The following ACADSB variants were observed in gnomAD, a reference collection of about 807,000 sequenced individuals.
ACADSB encodes the protein acyl-CoA dehydrogenase short/branched chain.
In ACADSB, 40 loss-of-function variants were observed where a neutral mutation model predicts 54.1. The observed-to-expected ratio is 0.74, with a 90% confidence interval of 0.57 to 0.96. ACADSB has a LOEUF of 0.96. ACADSB is among the 40% of genes least tolerant of loss of function. The probability of loss-of-function intolerance (pLI) is 0.00; values close to 1 mark genes in which losing one functional copy is unlikely to be tolerated. For missense variants in ACADSB, 530 were observed against 510.4 expected (o/e 1.04, Z -0.37); for synonymous variants, 182 against 182.8 (o/e 1.00, Z 0.03).
At chr10:123,040,700 T>C (rs1850461397) in intron 4 of ACADSB, 28 bp downstream of exon 4, 1 of 1,581,606 alleles carries the variant, frequency 6.3e-7, no homozygotes, top group African/African-American at 1.3e-5. Flanking sequence ...GTTGATCTAA[T>C]GGATCTAATC....
intron 8 of ACADSB, among the ~76,000 whole-genome samples, chr10:123,048,564 G>C (rs1850590130): frequency 6.6e-6 from 1 of 151,966 alleles, no homozygotes; most frequent in African/African-American, 2.4e-5. Flanking sequence ...TCTTCTTTAT[G>C]CACAGGAAAC....
chr10:123,048,963 G>A (rs373046821), intron 8 of ACADSB, among the ~76,000 whole-genome samples: 9 of 152,106 alleles, frequency 5.9e-5, no homozygotes, highest in East Asian at 3.9e-4. Flanking sequence ...TGATCTGCCC[G>A]CTTCGGCCTC....
At chr10:123,048,362 A>G (rs1419729414) in intron 8 of ACADSB, among the ~76,000 whole-genome samples, 1 of 152,190 alleles carries the variant, frequency 6.6e-6, no homozygotes, top group Non-Finnish European at 1.5e-5. Flanking sequence ...TCTTATGCCT[A>G]GGAACCTGAA....
intron 8 of ACADSB, among the ~76,000 whole-genome samples, chr10:123,050,564 G>C (rs966053154): frequency 2.6e-5 from 4 of 152,158 alleles, no homozygotes; most frequent in Non-Finnish European, 5.9e-5. Flanking sequence ...TAAAATTTCA[G>C]GGTGGTAGTA....
chr10:123,014,449 C>T (rs984642548), intron 1 of ACADSB, among the ~76,000 whole-genome samples: 5 of 152,230 alleles, frequency 3.3e-5, no homozygotes, highest in African/African-American at 9.6e-5. Context: ...ATCCTCCCGC[C>T]TTGGCCTCCC....
intron 9 of ACADSB, among the ~76,000 whole-genome samples, chr10:123,051,400 G>A (rs536501578): frequency 7.2e-5 from 11 of 152,064 alleles, no homozygotes; most frequent in South Asian, 4.2e-4. Context: ...TCAATGTTTC[G>A]TTGAGTAGCC....
chr10:123,029,374 A>C (rs1226441318), intron 1 of ACADSB, among the ~76,000 whole-genome samples: 1 of 151,872 alleles, frequency 6.6e-6, no homozygotes, highest in Non-Finnish European at 1.5e-5. Flanking sequence ...AAAAAAAAAG[A>C]AAGAAAACAA....
At chr10:123,041,429 C>A (rs1850472083) in intron 5 of ACADSB, 50 bp downstream of exon 5, 3 of 1,571,334 alleles carry the variant, frequency 1.9e-6, no homozygotes, top group Admixed American at 3.3e-5. Context: ...CTTCTTTTCT[C>A]TTTCTTTATC....
intron 2 of ACADSB, among the ~76,000 whole-genome samples, chr10:123,034,729 A>G (rs918454332): frequency 6.6e-6 from 1 of 152,202 alleles, no homozygotes; most frequent in Non-Finnish European, 1.5e-5. Context: ...AGATATGTTC[A>G]TCTAAATTTG....
At chr10:123,036,289 G>A (rs574795780) in intron 2 of ACADSB, among the ~76,000 whole-genome samples, 1 of 152,292 alleles carries the variant, frequency 6.6e-6, no homozygotes, top group Middle Eastern at 3.4e-3. Context: ...GTTTCACCAT[G>A]TTAGCCAGGC....
At chr10:123,040,144 G>A (rs1296836249) in intron 3 of ACADSB, among the ~76,000 whole-genome samples, 3 of 150,518 alleles carry the variant, frequency 2.0e-5, no homozygotes, top group Admixed American at 6.6e-5. Flanking sequence ...TCAGGGGTTC[G>A]AGACCAGACT....
At chr10:123,043,192 A>G in intron 6 of ACADSB, 21 bp downstream of exon 6, 1 of 1,612,936 alleles carries the variant, frequency 6.2e-7, no homozygotes, top group Non-Finnish European at 8.5e-7. Flanking sequence ...TAGACTAATC[A>G]GTAAAAGACT....
chr10:123,054,477 G>A lies in ACADSB; in HGVS notation c.*712G>A, dbSNP rs1183166025. ...GCATCAGGGAAATATTTGTTACATA[G>A]TAGGCAATTTTTATCCAGTACTTTA... On this transcript the variant is annotated 3_prime_UTR_variant, in exon 11 of 11. Coordinates refer to ENST00000358776, the MANE Select transcript of ACADSB (RefSeq NM_001609.4). 1 of 152,118 alleles carries A rather than the reference G, an allele frequency of 6.6e-6. No individual in the cohort carries two copies. The highest frequency in any genetic ancestry group is 2.4e-5 in the African/African-American group (1 of 41,412). 9.4% of individuals were successfully genotyped at this position (152,118 alleles called of 1,614,324 possible). A position where few individuals can be genotyped will look rare whatever the true frequency, so the allele number is the denominator to read the frequency against.
chr10:123,037,533 A>G (rs1452562116), intron 2 of ACADSB, among the ~76,000 whole-genome samples: 2 of 152,228 alleles, frequency 1.3e-5, no homozygotes, highest in African/African-American at 2.4e-5. Flanking sequence ...ATCTACACAT[A>G]TCATTTATTT....
intron 1 of ACADSB, among the ~76,000 whole-genome samples, chr10:123,010,372 C>T (rs943171404): frequency 1.3e-5 from 2 of 152,192 alleles, no homozygotes; most frequent in Non-Finnish European, 2.9e-5. Flanking sequence ...ACTGTCTCCC[C>T]GTCCTTAGAG....
Position 123,053,863 on chromosome 10 carries a change from C to A in ACADSB, c.*98C>A. On this transcript the variant is annotated 3_prime_UTR_variant, in exon 11 of 11. Transcript: ENST00000358776. ...AAGTGCCTTGCGTGGGAATAAACTT[C>A]CACAGCATTCGAATATTTTAATGAA... 1 of 1,088,866 alleles carries A rather than the reference C, an allele frequency of 9.2e-7. No individual in the cohort carries two copies. The highest frequency in any genetic ancestry group is 1.4e-6 in the Non-Finnish European group (1 of 709,138). The allele number at this position is 1,088,866 out of a possible 1,614,324, so 67.5% of individuals were successfully genotyped here.
At chr10:123,013,083 T>C (rs1294435895) in intron 1 of ACADSB, among the ~76,000 whole-genome samples, 1 of 152,154 alleles carries the variant, frequency 6.6e-6, no homozygotes. Flanking sequence ...AGAGTGCTGA[T>C]TGGTGTATTT....
intron 1 of ACADSB, among the ~76,000 whole-genome samples, chr10:123,013,479 T>C (rs6599642): frequency 0.91 from 138,829 of 152,312 alleles, 63,357 homozygotes; most frequent in East Asian, 1. Context: ...TGGAGCTGCC[T>C]GCCAGTCTCG....
At chr10:123,032,207 C>G (rs1850336276) in intron 1 of ACADSB, among the ~76,000 whole-genome samples, 1 of 151,976 alleles carries the variant, frequency 6.6e-6, no homozygotes, top group African/African-American at 2.4e-5. Flanking sequence ...TCTTGAACTC[C>G]TGACCTATTG....
Sources: allele counts gnomAD v4.1 joint callset (sites outside exome capture counted in the v4.1 genomes callset), GRCh38; gene constraint gnomAD v4.1.1; transcripts MANE v1.5; gene names NCBI Gene and HGNC (gene_info 2026-07-23, HGNC 2026-07-21).